Variants in SLC5A1 observed in about 807,000 individuals in gnomAD.
The protein encoded by SLC5A1 is sodium/glucose cotransporter 1.
In SLC5A1, 42 loss-of-function variants were observed where a neutral mutation model predicts 73.5. That is an observed-to-expected ratio of 0.57 (90% CI 0.45 to 0.74). The LOEUF is 0.74. Ranked by LOEUF, SLC5A1 falls within the 30% of genes least tolerant of loss-of-function variation. The probability of loss-of-function intolerance (pLI) is 0.00; values close to 1 mark genes in which losing one functional copy is unlikely to be tolerated. For missense variants in SLC5A1, 634 were observed against 855.4 expected, an observed-to-expected ratio of 0.74 and a Z score of 3.23; for synonymous variants, 300 against 317.4, an observed-to-expected ratio of 0.95 and a Z score of 0.58.
At chr22:32,065,674 G>T (rs2093971637) in intron 2 of SLC5A1, among the ~76,000 whole-genome samples, 1 of 152,158 alleles carries the variant, frequency 6.6e-6, no homozygotes, top group South Asian at 2.1e-4. Flanking sequence ...GTTAATATTT[G>T]TTGAGCAAAT....
At chr22:32,074,413 T>G (rs1277600922) in intron 5 of SLC5A1, among the ~76,000 whole-genome samples, 4 of 152,254 alleles carry the variant, frequency 2.6e-5, no homozygotes, top group South Asian at 4.2e-4. Flanking sequence ...TTTTCTAAAT[T>G]TGGCTTTTGA....
At chr22:32,071,478 T>G (rs902776688) in intron 5 of SLC5A1, among the ~76,000 whole-genome samples, 1 of 152,084 alleles carries the variant, frequency 6.6e-6, no homozygotes. Flanking sequence ...AATGAAGATA[T>G]AATGATAACG....
chr22:32,055,027 T>A (rs2093949759), intron 2 of SLC5A1, among the ~76,000 whole-genome samples: 1 of 152,142 alleles, frequency 6.6e-6, no homozygotes, highest in African/African-American at 2.4e-5. Flanking sequence ...GAATTGCTGA[T>A]GATTCCAAAG....
intron 2 of SLC5A1, among the ~76,000 whole-genome samples, chr22:32,054,699 G>A (rs9609418): frequency 0.039 from 5,899 of 152,078 alleles, 135 homozygotes; most frequent in South Asian, 0.091. Flanking sequence ...TTGAGACAGG[G>A]TCTCACTCTG....
chr22:32,081,827 C>A, intron 5 of SLC5A1, 39 bp from the exon 6 acceptor site: 1 of 1,360,706 alleles, frequency 7.3e-7, no homozygotes, highest in Non-Finnish European at 1.1e-6. Context: ...AGGCAGCTGA[C>A]CACTCTCCCT....
intron 2 of SLC5A1, among the ~76,000 whole-genome samples, chr22:32,052,049 T>G (rs1288632832): frequency 6.6e-6 from 1 of 152,230 alleles, no homozygotes; most frequent in African/African-American, 2.4e-5. Context: ...CTTATCTGAT[T>G]GAATCCTCAA....
At chr22:32,044,850 C>A (rs2093935085) in intron 1 of SLC5A1, among the ~76,000 whole-genome samples, 1 of 152,090 alleles carries the variant, frequency 6.6e-6, no homozygotes, top group African/African-American at 2.4e-5. Context: ...TTAAAAAAAA[C>A]TACTATTGTC....
chr22:32,061,096 T>C (rs1274294896), intron 2 of SLC5A1, among the ~76,000 whole-genome samples: 1 of 152,200 alleles, frequency 6.6e-6, no homozygotes, highest in Non-Finnish European at 1.5e-5. Flanking sequence ...GAGAGACAGA[T>C]GCAATTCCTG....
Position 32,099,414 on chromosome 22 carries a change from G to C in SLC5A1, c.1449+63G>C. ...GGCATAGAAGTTTCCATGTGGGTTT[G>C]CATATTCTCTGTGGGAGGGATTCTA... On this transcript the variant is annotated intron_variant, in intron 12 of 14. Coordinates refer to ENST00000266088, the MANE Select transcript of SLC5A1 (RefSeq NM_000343.4). 9.7e-6 allele frequency: 14 copies of C among 1,436,096 alleles called. No individual in the cohort carries two copies. The South Asian group carries it at 1.6e-4, about 16-fold the overall frequency. 89.0% of individuals were successfully genotyped at this position (1,436,096 alleles called of 1,614,324 possible).
intron 10 of SLC5A1, among the ~76,000 whole-genome samples, chr22:32,090,943 G>A (rs893539622): frequency 3.3e-5 from 5 of 151,978 alleles, no homozygotes. Flanking sequence ...CTATCCTAGT[G>A]GGTACAAAGT....
intron 5 of SLC5A1, among the ~76,000 whole-genome samples, chr22:32,074,485 C>T (rs761291673): frequency 6.6e-6 from 1 of 152,132 alleles, no homozygotes; most frequent in Non-Finnish European, 1.5e-5. Context: ...ACCCTCGTCA[C>T]CCTCCTGCTC....
In SLC5A1 at chr22:32,099,102, AAAAATAT is replaced by A. The variant is rs1347677121; in HGVS notation, c.1281-79_1281-73del. The A allele has an allele frequency of 3.6e-3, 471 of 129,460 alleles. 1 individual carries two copies. Among genetic ancestry groups the A allele is most frequent in the African/African-American group, 0.026 (370 of 14,372 alleles). 8.0% of individuals were successfully genotyped at this position (129,460 alleles called of 1,614,324 possible). A position where few individuals can be genotyped will look rare whatever the true frequency, so the allele number is the denominator to read the frequency against. On this transcript the variant is annotated intron_variant, in intron 11 of 14. Transcript: ENST00000266088. ...TCTGTCTCAAAAAAAAAAAAAAAAA[AAAAATAT>A]ATATATATATATATATATATATACT...
rs1178668384 is a variant in SLC5A1 at position 32,111,477 on chromosome 22, G to A, written c.*1264G>A. On this transcript the variant is annotated 3_prime_UTR_variant, in exon 15 of 15. Coordinates refer to ENST00000266088, the MANE Select transcript of SLC5A1 (RefSeq NM_000343.4). ...ACTGAGGGTTAGGAAGTCAGCAAGTGAGTCTTGAAGAGATACTAAACAAAC... is the reference window on the plus strand; with the variant it reads ...ACTGAGGGTTAGGAAGTCAGCAAGTAAGTCTTGAAGAGATACTAAACAAAC... 1 of 152,204 alleles carries A rather than the reference G, an allele frequency of 6.6e-6. No individual in the cohort carries two copies. The highest frequency in any genetic ancestry group is 1.9e-4 in the East Asian group (1 of 5,196). The allele number at this position is 152,204 out of a possible 1,614,324, so 9.4% of individuals were successfully genotyped here. A position where few individuals can be genotyped will look rare whatever the true frequency, so the allele number is the denominator to read the frequency against.
chr22:32,084,751 G>A (rs56350448), intron 8 of SLC5A1, 92 bp downstream of exon 8: 84,228 of 1,498,628 alleles, frequency 0.056, 2,682 homozygotes, highest in Middle Eastern at 0.066. Context: ...TTGGGACAGG[G>A]AGGGGAGAGC....
At chr22:32,084,819 C>A in intron 8 of SLC5A1, 81 bp from the exon 9 acceptor site, 3 of 1,597,076 alleles carry the variant, frequency 1.9e-6, no homozygotes, top group Non-Finnish European at 2.6e-6. Flanking sequence ...GCCAATGACC[C>A]AAGATGGCGA....
intron 13 of SLC5A1, among the ~76,000 whole-genome samples, chr22:32,102,921 A>G (rs941463699): frequency 5.9e-5 from 9 of 152,210 alleles, no homozygotes; most frequent in South Asian, 2.1e-4. Flanking sequence ...TTTATGGTGG[A>G]ATAATACTCT....
At chr22:32,072,964 A>T (rs1023803453) in intron 5 of SLC5A1, among the ~76,000 whole-genome samples, 1 of 152,038 alleles carries the variant, frequency 6.6e-6, no homozygotes, top group Non-Finnish European at 1.5e-5. Context: ...ACTTGCAAAA[A>T]TTTTTTTCCC....
In SLC5A1 at chr22:32,110,380, G is replaced by A. The variant is rs1224795133; in HGVS notation, c.*167G>A. Reference sequence around the variant, plus strand: ...GCTGGAAGAAAACCATTAGTTTGCTGTTAATTTATGCATTTGAAGCCAGTG... The same window carrying A: ...GCTGGAAGAAAACCATTAGTTTGCTATTAATTTATGCATTTGAAGCCAGTG... On this transcript the variant is annotated 3_prime_UTR_variant, in exon 15 of 15. Coordinates refer to ENST00000266088, the MANE Select transcript of SLC5A1 (RefSeq NM_000343.4). The A allele has an allele frequency of 4.4e-6, 3 of 674,638 alleles. No individual in the cohort carries two copies. Among genetic ancestry groups the A allele is most frequent in the Non-Finnish European group, 8.1e-6 (3 of 370,952 alleles). 41.8% of individuals were successfully genotyped at this position (674,638 alleles called of 1,614,324 possible).
chr22:32,045,199 T>C (rs763091197), intron 1 of SLC5A1, among the ~76,000 whole-genome samples: 2 of 152,246 alleles, frequency 1.3e-5, no homozygotes, highest in Non-Finnish European at 2.9e-5. Flanking sequence ...CTGCTGGCTA[T>C]ACAGTACTGC....
Sources: gnomAD v4.1 joint callset for allele counts (sites outside exome capture counted in the v4.1 genomes callset) on GRCh38, gnomAD v4.1.1 for gene constraint, MANE v1.5 for transcripts, NCBI Gene and HGNC (gene_info 2026-07-23, HGNC 2026-07-21) for gene names.